MRE11: variants seen among roughly 807,000 people sequenced by gnomAD.
MRE11 encodes the protein MRE11 double strand break repair nuclease, also known as double-strand break repair protein MRE11.
MRE11 carries 62 observed loss-of-function variants against 91.7 expected under a neutral mutation model. The ratio of observed to expected loss-of-function variants is 0.68; its 90% confidence interval spans 0.55 to 0.84. The LOEUF (loss-of-function observed/expected upper bound fraction) is 0.84, where lower values mean the gene tolerates loss of function less well. MRE11 is among the 40% of genes least tolerant of loss of function. The pLI is 0.00. For missense variants in MRE11, 796 were observed against 852.9 expected, an observed-to-expected ratio of 0.93 and a Z score of 0.83; for synonymous variants, 273 against 271.4, an observed-to-expected ratio of 1.01 and a Z score of -0.06.
chr11:94,500,933 T>C, the MRE11 span, among the ~76,000 whole-genome samples: 1 of 152,064 alleles, frequency 6.6e-6, no homozygotes, highest in South Asian at 2.1e-4. Context: ...AACTCTTGAT[T>C]CCTGATCAAC....
At chr11:94,511,020 G>C in the MRE11 span, among the ~76,000 whole-genome samples, 1 of 152,180 alleles carries the variant, frequency 6.6e-6, no homozygotes, top group African/African-American at 2.4e-5. Flanking sequence ...AATGAATGAG[G>C]AGTGCCTGAA....
chr11:94,457,111 A>G (rs1322910527), intron 13 of MRE11, among the ~76,000 whole-genome samples: 2 of 152,252 alleles, frequency 1.3e-5, no homozygotes, highest in African/African-American at 4.8e-5. Flanking sequence ...GAGCAATTAG[A>G]GGAATCAACA....
chr11:94,492,605 T>G, intron 2 of MRE11, 177 bp downstream of exon 2: 2 of 1,154,032 alleles, frequency 1.7e-6, no homozygotes, highest in Non-Finnish European at 2.5e-6. Flanking sequence ...TAGCTTCCAG[T>G]TAACAAACAG....
intron 10 of MRE11, 118 bp from the exon 11 acceptor site, chr11:94,464,357 T>A: frequency 7.3e-7 from 1 of 1,365,338 alleles, no homozygotes; most frequent in Non-Finnish European, 1.0e-6. Context: ...ATTTATGAAT[T>A]AATTTTCTAC....
chr11:94,482,712 T>A (rs565369559), intron 4 of MRE11, among the ~76,000 whole-genome samples: 24 of 152,160 alleles, frequency 1.6e-4, no homozygotes, highest in Non-Finnish European at 2.8e-4. Context: ...GTCGGGAGGA[T>A]CACTTGAGGT....
the MRE11 span, among the ~76,000 whole-genome samples, chr11:94,511,647 T>C: frequency 3.9e-5 from 6 of 152,336 alleles, no homozygotes; most frequent in African/African-American, 1.4e-4. Flanking sequence ...GTATTAAAAG[T>C]GTTTGGCTCT....
chr11:94,504,192 C>T, the MRE11 span, among the ~76,000 whole-genome samples: 7 of 152,278 alleles, frequency 4.6e-5, 1 homozygote, highest in South Asian at 1.5e-3. Flanking sequence ...GTGTACACAA[C>T]TGTCAAAAGT....
At position 94,415,657 on chromosome 11, in the gene MRE11, G is replaced by A. The variant is rs766502074; in HGVS notation, c.*4468C>T. 3 of 152,162 alleles carry A rather than the reference G, an allele frequency of 2.0e-5. No individual in the cohort carries two copies. Among genetic ancestry groups the A allele is most frequent in the Admixed American group, 6.6e-5 (1 of 15,260 alleles). 9.4% of individuals were successfully genotyped at this position (152,162 alleles called of 1,614,324 possible). A position where few individuals can be genotyped will look rare whatever the true frequency, so the allele number is the denominator to read the frequency against. On this transcript the variant is annotated 3_prime_UTR_variant, in exon 20 of 20. Coordinates refer to ENST00000323929, the MANE Select transcript of MRE11 (RefSeq NM_005591.4). ...TTTAAAACACACAACGGGAAGCAGC[G>A]CAGTTATCTCTCAAAATAGACAATG...
rs1451748130 is a variant in MRE11, at chr11:94,419,509, T to C, written c.*616A>G. On this transcript the variant is annotated 3_prime_UTR_variant, in exon 20 of 20. Transcript: ENST00000323929. ...GAGAGAGAGAGAACACCATTAAGGA[T>C]ACAGAATAATAAAGGAAATTACTAC... 1 of 212,840 alleles carries C rather than the reference T, an allele frequency of 4.7e-6. No homozygotes were observed. Among genetic ancestry groups the C allele is most frequent in the East Asian group, 6.4e-5 (1 of 15,730 alleles). 13.2% of individuals were successfully genotyped at this position (212,840 alleles called of 1,614,324 possible).
intron 14 of MRE11, among the ~76,000 whole-genome samples, chr11:94,450,223 C>T (rs1043699551): frequency 6.6e-6 from 1 of 152,152 alleles, no homozygotes; most frequent in Non-Finnish European, 1.5e-5. Flanking sequence ...AAAACGTTAT[C>T]AGTGGCTCAT....
intron 14 of MRE11, among the ~76,000 whole-genome samples, chr11:94,455,590 T>C (rs1336107502): frequency 1.3e-5 from 2 of 152,082 alleles, no homozygotes; most frequent in African/African-American, 4.8e-5. Context: ...TTTAAGTAAA[T>C]GGTTGCTAAC....
At chr11:94,423,655 C>T (rs1156822171) in intron 19 of MRE11, among the ~76,000 whole-genome samples, 2 of 152,246 alleles carry the variant, frequency 1.3e-5, no homozygotes, top group Non-Finnish European at 2.9e-5. Context: ...GTGCACAGGG[C>T]AGCCTCTGCT....
intron 19 of MRE11, among the ~76,000 whole-genome samples, chr11:94,426,824 A>C (rs1170107055): frequency 6.6e-6 from 1 of 152,188 alleles, no homozygotes; most frequent in East Asian, 1.9e-4. Flanking sequence ...AAATCCCTCT[A>C]AACACACAAC....
intron 18 of MRE11, among the ~76,000 whole-genome samples, chr11:94,433,752 C>T (rs1300079391): frequency 2.0e-5 from 3 of 152,120 alleles, no homozygotes; most frequent in African/African-American, 7.2e-5. Flanking sequence ...AATTTGAGTC[C>T]ATTAAACCTC....
Position 94,471,665 on chromosome 11 carries a change from C to T in MRE11, c.754G>A (p.Ala252Thr). ...IWGHEHECKIAPTKNEQQLFY... is the reference protein window; with the variant it reads ...IWGHEHECKITPTKNEQQLFY... ...AGCTGTTGTTCATTTTTGGTTGGAG[C>T]TATTTTACACTCATGTTCATGGCCC... Residue 252 changes from alanine to threonine, a missense_variant, in exon 8 of 20, where the codon GCT becomes ACT. Physicochemically the swap from Ala to Thr is moderately conservative, Grantham distance 58. Coordinates refer to ENST00000323929, the MANE Select transcript of MRE11 (RefSeq NM_005591.4). 1 of 1,612,736 alleles carries T rather than the reference C, an allele frequency of 6.2e-7. No individual in the cohort carries two copies. Among genetic ancestry groups the T allele is most frequent in the African/African-American group, 1.3e-5 (1 of 74,950 alleles).
At chr11:94,447,132 TA>T in intron 15 of MRE11, 86 bp downstream of exon 15, 4 of 1,334,480 alleles carry the variant, frequency 3.0e-6, no homozygotes, top group Non-Finnish European at 4.3e-6. Flanking sequence ...AAATAAAACT[TA>T]TAATTCAACT....
At chr11:94,510,843 T>C in the MRE11 span, among the ~76,000 whole-genome samples, 6 of 152,210 alleles carry the variant, frequency 3.9e-5, no homozygotes, top group Admixed American at 6.5e-5. Flanking sequence ...GTAAAAGTTA[T>C]ACACACACGT....
At chr11:94,461,599 C>T (rs888208616) in intron 11 of MRE11, among the ~76,000 whole-genome samples, 3 of 152,152 alleles carry the variant, frequency 2.0e-5, no homozygotes, top group Non-Finnish European at 4.4e-5. Context: ...CTATTCAACA[C>T]AGTGTTGGAA....
At chr11:94,493,016 T>C in intron 1 of MRE11, 110 bp from the exon 2 acceptor site, 1 of 572,756 alleles carries the variant, frequency 1.7e-6, no homozygotes, top group East Asian at 2.8e-5. Flanking sequence ...CTGGCAAATT[T>C]AGAAGTCTCA....
Sources: gnomAD v4.1 joint callset for allele counts (sites outside exome capture counted in the v4.1 genomes callset) on GRCh38, gnomAD v4.1.1 for gene constraint, MANE v1.5 for transcripts, NCBI Gene and HGNC (gene_info 2026-07-23, HGNC 2026-07-21) for gene names.